Variants in CNBD1 observed in about 807,000 individuals in gnomAD.
The protein encoded by CNBD1 is cyclic nucleotide-binding domain-containing protein 1.
In CNBD1, 71 loss-of-function variants were observed where a neutral mutation model predicts 54.4. The observed-to-expected ratio is 1.30, with a 90% confidence interval of 1.08 to 1.59. The LOEUF (loss-of-function observed/expected upper bound fraction) is 1.59. Ranked by LOEUF, CNBD1 falls within the 40% of genes most tolerant of loss-of-function variation. The pLI is 0.00. For missense variants in CNBD1, 659 were observed against 518.0 expected (o/e 1.27, Z -2.64); for synonymous variants, 182 against 170.7 (o/e 1.07, Z -0.51).
intron 2 of CNBD1, among the ~76,000 whole-genome samples, chr8:87,408,968 G>A (rs1807695848): frequency 6.6e-6 from 1 of 151,880 alleles, no homozygotes; most frequent in Non-Finnish European, 1.5e-5. Flanking sequence ...GTTCCCTAAG[G>A]CCCGACAAAA....
chr8:87,373,032 G>A (rs1586057666), intron 10 of CNBD1, among the ~76,000 whole-genome samples: 1 of 151,552 alleles, frequency 6.6e-6, no homozygotes, highest in Non-Finnish European at 1.5e-5. Context: ...TTTTATTATA[G>A]TAGTTAGATT....
At chr8:87,342,408 A>T (rs1810083720) in intron 8 of CNBD1, among the ~76,000 whole-genome samples, 1 of 152,230 alleles carries the variant, frequency 6.6e-6, no homozygotes, top group Non-Finnish European at 1.5e-5. Flanking sequence ...CTTTAATTAG[A>T]GTATATTTCT....
intron 4 of CNBD1, among the ~76,000 whole-genome samples, chr8:87,174,903 C>T (rs549546385): frequency 3.3e-5 from 5 of 152,244 alleles, no homozygotes; most frequent in Admixed American, 2.0e-4. Flanking sequence ...TGTTCTCTTC[C>T]GTAATTTCTC....
At chr8:87,384,476 A>G (rs1811145771), downstream of CNBD1, among the ~76,000 whole-genome samples, 1 of 152,090 alleles carries the variant, frequency 6.6e-6, no homozygotes, top group East Asian at 1.9e-4. Flanking sequence ...AAGTTGATGG[A>G]GAAATGATAT....
chr8:87,400,004 C>T (rs540865190), intron 2 of CNBD1, among the ~76,000 whole-genome samples: 2 of 151,840 alleles, frequency 1.3e-5, no homozygotes, highest in South Asian at 4.2e-4. Context: ...AGAATTGGAA[C>T]CCCCCAAATA....
chr8:87,378,241 T>A (rs1404233004), intron 10 of CNBD1, among the ~76,000 whole-genome samples: 1 of 143,160 alleles, frequency 7.0e-6, no homozygotes, highest in Non-Finnish European at 1.5e-5. Context: ...GCCTATGTCC[T>A]GAATGGTAAT....
intron 6 of CNBD1, among the ~76,000 whole-genome samples, chr8:87,266,754 A>C (rs1172235296): frequency 6.6e-6 from 1 of 151,996 alleles, no homozygotes; most frequent in East Asian, 1.9e-4. Context: ...ACCCAGCCAC[A>C]AAAGAACTCG....
At chr8:87,174,699 C>CT (rs1563495799) in intron 4 of CNBD1, among the ~76,000 whole-genome samples, 3 of 152,138 alleles carry the variant, frequency 2.0e-5, no homozygotes, top group Non-Finnish European at 2.9e-5. Context: ...ATCTGGGCTT[C>CT]TTTTTTTAAC....
rs974687860 is a variant in CNBD1, at chr8:87,017,965, C to T, written c.431+78211C>T. 6.6e-5 allele frequency among the ~76,000 whole-genome samples: 10 copies of T among 152,222 alleles called. No homozygotes were observed. In the East Asian group the frequency reaches 9.7e-4, roughly 15 times the overall value. On this transcript the variant is annotated intron_variant, in intron 4 of 10. Coordinates refer to ENST00000518476, the MANE Select transcript of CNBD1 (RefSeq NM_173538.3). ...AAACCAACTTTAAAAAAATTCTGGC[C>T]GGGAACAGTGGCTCACGCCTATAAT...
chr8:87,172,853 A>G (rs1813117924), intron 4 of CNBD1, among the ~76,000 whole-genome samples: 1 of 151,994 alleles, frequency 6.6e-6, no homozygotes, highest in Non-Finnish European at 1.5e-5. Flanking sequence ...TTATTAGCGT[A>G]TATAGTTCAT....
chr8:87,313,637 TG>T (rs929867813), intron 8 of CNBD1, among the ~76,000 whole-genome samples: 1 of 151,948 alleles, frequency 6.6e-6, no homozygotes, highest in Non-Finnish European at 1.5e-5. Flanking sequence ...AAGAAAGTGA[TG>T]TTTTTTTCTT....
chr8:87,316,533 A>T (rs1279424967), intron 8 of CNBD1, among the ~76,000 whole-genome samples: 1 of 152,040 alleles, frequency 6.6e-6, no homozygotes, highest in Non-Finnish European at 1.5e-5. Flanking sequence ...ATACTAAAAC[A>T]GTGTGTGTCT....
intron 4 of CNBD1, among the ~76,000 whole-genome samples, chr8:87,030,960 C>T (rs977747241): frequency 7.7e-6 from 1 of 129,744 alleles, no homozygotes; most frequent in East Asian, 2.6e-4. Context: ...CTCTTCCTCT[C>T]CCCCCTTCTT....
chr8:87,270,570 C>G (rs1394026596), intron 6 of CNBD1, among the ~76,000 whole-genome samples: 4 of 151,944 alleles, frequency 2.6e-5, no homozygotes, highest in Non-Finnish European at 5.9e-5. Flanking sequence ...CCTCAAAGAG[C>G]TAAAAACTGA....
chr8:87,334,341 T>G (rs1809898414), intron 8 of CNBD1, among the ~76,000 whole-genome samples: 1 of 152,130 alleles, frequency 6.6e-6, no homozygotes, highest in African/African-American at 2.4e-5. Flanking sequence ...CTGGATTCAT[T>G]GATTTTTTTG....
At chr8:87,372,901 G>A (rs766127783) in intron 10 of CNBD1, among the ~76,000 whole-genome samples, 12 of 151,634 alleles carry the variant, frequency 7.9e-5, no homozygotes, top group Non-Finnish European at 1.5e-4. Flanking sequence ...TGTCAACTTT[G>A]CATATAACTG....
chr8:86,894,351 G>A (rs1808819381), intron 2 of CNBD1, among the ~76,000 whole-genome samples: 2 of 152,026 alleles, frequency 1.3e-5, no homozygotes, highest in Non-Finnish European at 2.9e-5. Context: ...GTGAGCCACC[G>A]CGCCCGGCCA....
At position 87,364,582 on chromosome 8, in the gene CNBD1, T is replaced by A. The variant is rs560681327; in HGVS notation, c.1303+10796T>A. Among the ~76,000 whole-genome samples the A allele has an allele frequency of 1.2e-4, 19 of 152,104 alleles. No homozygotes were observed. The East Asian group carries it at 3.7e-3, about 29-fold the overall frequency. ...CAGTGGTTTAGTGTATAGATTTTTT[T>A]GTCACCTAGGTATCAAGCCTAGTTC... On this transcript the variant is annotated intron_variant, in intron 10 of 10. Transcript: ENST00000518476.
At chr8:86,870,767 C>G (rs1241125511) in intron 1 of CNBD1, among the ~76,000 whole-genome samples, 1 of 151,922 alleles carries the variant, frequency 6.6e-6, no homozygotes, top group Non-Finnish European at 1.5e-5. Flanking sequence ...CGAAGAAAAA[C>G]AGGGAAGTGG....
Sources: allele counts gnomAD v4.1 joint callset (sites outside exome capture counted in the v4.1 genomes callset), GRCh38; gene constraint gnomAD v4.1.1; transcripts MANE v1.5; gene names NCBI Gene and HGNC (gene_info 2026-07-23, HGNC 2026-07-21).